NEB: variants seen among roughly 807,000 people sequenced by gnomAD.
The protein encoded by NEB is nemaline myopathy type 2.
Under a neutral mutation model 952.2 loss-of-function variants are expected in NEB, and 512 were observed. The ratio of observed to expected loss-of-function variants is 0.54; its 90% CI spans 0.50 to 0.58. The LOEUF (loss-of-function observed/expected upper bound fraction) is 0.58, where lower values mean the gene tolerates loss of function less well. NEB is among the 20% of genes least tolerant of loss of function. The probability of loss-of-function intolerance (pLI) is 0.00; values close to 1 mark genes in which losing one functional copy is unlikely to be tolerated. For missense variants in NEB, 8,428 were observed against 9,231.1 expected, an observed-to-expected ratio of 0.91 and a Z score of 3.56; for synonymous variants, 2,900 against 3,149.8, an observed-to-expected ratio of 0.92 and a Z score of 2.66.
intron 181 of NEB, chr2:151,486,217 GAT>G (rs1039438073): frequency 1.3e-5 from 4 of 310,162 alleles, no homozygotes; most frequent in African/African-American, 8.5e-5. Flanking sequence ...CTCCAAAAAA[GAT>G]AGACAAATAG....
At chr2:151,532,032 A>C (rs1436893370) in intron 143 of NEB, 136 bp from the exon 144 acceptor site, 7 of 612,658 alleles carry the variant, frequency 1.1e-5, no homozygotes, top group Non-Finnish European at 1.4e-5. Flanking sequence ...AATGTTTACT[A>C]TAAATTTGTG....
intron 167 of NEB, 107 bp downstream of exon 167, chr2:151,502,686 G>C: frequency 2.8e-6 from 2 of 705,612 alleles, no homozygotes; most frequent in Non-Finnish European, 4.9e-6. Context: ...GGTAATATTT[G>C]GTATCATTAT....
chr2:151,710,689 G>A (rs895533333), intron 10 of NEB, among the ~76,000 whole-genome samples, 151 bp from the exon 11 acceptor site: 2 of 152,112 alleles, frequency 1.3e-5, no homozygotes, highest in Non-Finnish European at 2.9e-5. Flanking sequence ...ATCTTCCAAT[G>A]TACTGTCAAT....
At chr2:151,663,491 C>T (rs891355568) in intron 45 of NEB, 57 bp downstream of exon 45, 5 of 1,471,486 alleles carry the variant, frequency 3.4e-6, no homozygotes, top group Non-Finnish European at 4.6e-6. Context: ...TGCTTATGGT[C>T]ACTCATGGTT....
chr2:151,662,459 C>T, intron 45 of NEB, 118 bp from the exon 46 acceptor site: 8 of 872,844 alleles, frequency 9.2e-6, no homozygotes, highest in Non-Finnish European at 1.3e-5. Context: ...AACTTTTCCA[C>T]TTCAATATTT....
rs1577666152 is a variant in NEB, at chr2:151,562,798, C to T, written c.18704G>A (p.Arg6235Lys). ...TGCTTTGGTATCCTCATAATGTTTT[C>T]TGTAGTTCAACTAATATGTTTTAAA... is the stretch of plus-strand genomic sequence containing the variant. Reference protein sequence around the residue: ...FQKMRSALNYRKHYEDTKANV... With the variant: ...FQKMRSALNYKKHYEDTKANV... The change falls in exon 120 of 182, where the codon AGA (arginine) becomes AAA (lysine). Residue 6235 changes from arginine (R) to lysine (K), a missense_variant. Physicochemically the swap from Arg to Lys is conservative, Grantham distance 26. Coordinates refer to ENST00000397345, the MANE Select transcript of NEB (RefSeq NM_001164508.2). 1 of 1,564,052 alleles carries T rather than the reference C, an allele frequency of 6.4e-7. No individual in the cohort carries two copies. The highest frequency in any genetic ancestry group is 8.7e-7 in the Non-Finnish European group (1 of 1,151,280).
chr2:151,576,072 C>T (rs779981843), intron 106 of NEB, 79 bp downstream of exon 106: 69 of 1,128,740 alleles, frequency 6.1e-5, no homozygotes, highest in Non-Finnish European at 7.7e-5. Flanking sequence ...TTTTATTATT[C>T]TAAAATAAAT....
At chr2:151,514,236 G>T in intron 159 of NEB, 82 bp downstream of exon 159, 4 of 922,726 alleles carry the variant, frequency 4.3e-6, no homozygotes, top group Admixed American at 2.0e-5. Context: ...CTCTGTTTTT[G>T]TTTTGCTTTT....
Position 151,491,676 on chromosome 2 carries a change from A to G in NEB, c.25150+7T>C, listed in dbSNP as rs2056763978. The G allele has an allele frequency of 6.4e-7, 1 of 1,573,808 alleles. No individual in the cohort carries two copies. The highest frequency in any genetic ancestry group is 1.3e-5 in the African/African-American group (1 of 74,136). On this transcript the variant is annotated splice_region_variant and intron_variant, in intron 179 of 181. Coordinates refer to ENST00000397345, the MANE Select transcript of NEB (RefSeq NM_001164508.2). ...TTTATGTTGTAAGCCTTTTTCAGCT[A>G]ACACACCATTAATCATGTGTAAGCT...
intron 178 of NEB, 131 bp from the exon 179 acceptor site, chr2:151,491,906 C>G (rs2056902079): frequency 2.0e-6 from 2 of 982,826 alleles, no homozygotes; most frequent in East Asian, 5.2e-5. Context: ...TGGGTCATGT[C>G]TTTTCCTCAG....
At chr2:151,659,315 G>A (rs957291566) in intron 46 of NEB, 146 bp from the exon 47 acceptor site, 1 of 515,618 alleles carries the variant, frequency 1.9e-6, no homozygotes, top group Non-Finnish European at 3.3e-6. Flanking sequence ...TATTATTTTT[G>A]AGACAGAGTC....
Position 151,513,561 on chromosome 2 carries a change from A to G in NEB, c.23241+19T>C. On this transcript the variant is annotated intron_variant, in intron 160 of 181. Coordinates refer to ENST00000397345, the MANE Select transcript of NEB (RefSeq NM_001164508.2). ...ACAACTACTTTCCTGAAAGATTGAC[A>G]TCGAATAGTAGCACTGACCTGACTG... is the stretch of plus-strand genomic sequence containing the variant. 1 of 1,548,226 alleles carries G rather than the reference A, an allele frequency of 6.5e-7. No individual in the cohort carries two copies. The highest frequency in any genetic ancestry group is 8.8e-7 in the Non-Finnish European group (1 of 1,131,246).
At chr2:151,567,728 T>A (rs2096466459) in intron 113 of NEB, among the ~76,000 whole-genome samples, 1 of 151,926 alleles carries the variant, frequency 6.6e-6, no homozygotes, top group South Asian at 2.1e-4. Flanking sequence ...AAAATAAAAA[T>A]AGAGAAAAAA....
intron 155 of NEB, 56 bp from the exon 156 acceptor site, chr2:151,518,478 A>G (rs576940894): frequency 1.4e-5 from 15 of 1,100,916 alleles, no homozygotes; most frequent in Admixed American, 1.8e-5. Context: ...CAGCATTCCT[A>G]TTTTTCCTCT....
At chr2:151,729,691 C>A in intron 3 of NEB, 35 bp from the exon 4 acceptor site, 3 of 1,609,914 alleles carry the variant, frequency 1.9e-6, no homozygotes, top group Non-Finnish European at 2.5e-6. Context: ...GGCAAGAGAA[C>A]CAAAGCAGAA....
intron 27 of NEB, among the ~76,000 whole-genome samples, chr2:151,685,188 C>G (rs1297319510): frequency 2.0e-5 from 3 of 152,160 alleles, no homozygotes. Context: ...GAGAAACTGT[C>G]TGGGTCACAG....
At chr2:151,610,434 T>C in intron 80 of NEB, 82 bp downstream of exon 80, 6 of 1,022,896 alleles carry the variant, frequency 5.9e-6, no homozygotes, top group South Asian at 2.8e-5. Flanking sequence ...TGGAAATCAC[T>C]ATAGAGTGTG....
chr2:151,493,959 CTA>C, intron 174 of NEB, 92 bp from the exon 175 acceptor site: 1 of 960,250 alleles, frequency 1.0e-6, no homozygotes, highest in Non-Finnish European at 1.6e-6. Context: ...TATGTTTAAT[CTA>C]TTACTATTAG....
intron 56 of NEB, 46 bp downstream of exon 56, chr2:151,644,422 T>A (rs747051653): frequency 6.6e-7 from 1 of 1,508,204 alleles, no homozygotes; most frequent in Non-Finnish European, 9.2e-7. Context: ...TGCTTTGAAG[T>A]GATAAATTGC....
Sources: gnomAD v4.1 joint callset for allele counts (sites outside exome capture counted in the v4.1 genomes callset) on GRCh38, gnomAD v4.1.1 for gene constraint, MANE v1.5 for transcripts, NCBI Gene and HGNC (gene_info 2026-07-23, HGNC 2026-07-21) for gene names.